The following RBFOX1 variants were observed in gnomAD, a reference collection of about 807,000 sequenced individuals.
RBFOX1 encodes the protein RNA binding fox-1 homolog 1, also known as RNA binding protein fox-1 homolog 1.
A neutral mutation model predicts 57.7 loss-of-function variants in RBFOX1; 8 were observed. That is an observed-to-expected ratio of 0.14 (90% CI 0.08 to 0.25). The LOEUF (loss-of-function observed/expected upper bound fraction) is 0.25. Among genes scored for constraint, RBFOX1 ranks in the 10% least tolerant of loss-of-function variants. The pLI, the probability that RBFOX1 is intolerant of heterozygous loss-of-function variation, is 1.00. For missense variants in RBFOX1, 611 were observed against 548.5 expected, an observed-to-expected ratio of 1.11 and a Z score of -1.14; for synonymous variants, 326 against 222.4, an observed-to-expected ratio of 1.47 and a Z score of -4.15.
chr16:7,142,783 C>T (rs8060707), intron 4 of RBFOX1, among the ~76,000 whole-genome samples: 1 of 152,292 alleles, frequency 6.6e-6, no homozygotes, highest in South Asian at 2.1e-4. Flanking sequence ...TTACACCGTT[C>T]TGAACACAGT....
chr16:6,128,808 A>T (rs950774924), intron 1 of RBFOX1, among the ~76,000 whole-genome samples: 4 of 152,156 alleles, frequency 2.6e-5, no homozygotes, highest in African/African-American at 7.2e-5. Flanking sequence ...GTGCTGGGGC[A>T]CTTGGGATCC....
At chr16:6,855,966 A>G (rs1187453137) in intron 3 of RBFOX1, among the ~76,000 whole-genome samples, 1 of 151,796 alleles carries the variant, frequency 6.6e-6, no homozygotes, top group Non-Finnish European at 1.5e-5. Flanking sequence ...ATTTGTACCC[A>G]AAGACTCCTG....
chr16:5,502,369 T>G (rs2043229275), intron 2 of RBFOX1, among the ~76,000 whole-genome samples: 1 of 151,122 alleles, frequency 6.6e-6, no homozygotes, highest in African/African-American at 2.4e-5. Flanking sequence ...ATGTGGACAC[T>G]GTAGGGGTGG....
intron 1 of RBFOX1, among the ~76,000 whole-genome samples, chr16:6,117,867 C>G (rs1300071743): frequency 6.6e-6 from 1 of 152,186 alleles, no homozygotes; most frequent in Non-Finnish European, 1.5e-5. Context: ...CCCTAATGAT[C>G]TAGTTTCCTT....
rs537520708 is a variant in RBFOX1, at chr16:6,324,090, G to A, written c.-64+7033G>A. On this transcript the variant is annotated intron_variant, in intron 2 of 15. Transcript: ENST00000550418. The stretch of plus-strand genomic sequence containing the variant: ...ACTCAGCCAACTCTGAGCTTTTAGC[G>A]TAACCATCACCTTAATAGTATTCAT... Among the ~76,000 whole-genome samples, 56 of 152,186 alleles carry A rather than the reference G, an allele frequency of 3.7e-4. 1 individual carries two copies. Among genetic ancestry groups the A allele is most frequent in the South Asian group, 1.7e-3 (8 of 4,820 alleles).
intron 4 of RBFOX1, among the ~76,000 whole-genome samples, chr16:7,068,503 A>G (rs2056635052): frequency 6.6e-6 from 1 of 152,102 alleles, no homozygotes; most frequent in Non-Finnish European, 1.5e-5. Context: ...TCATTGCTTC[A>G]CCATTTAAGT....
At position 7,709,472 on chromosome 16, in the gene RBFOX1, C is replaced by G. The variant is rs571710507; in HGVS notation, c.1071+341C>G. 5.5e-6 allele frequency: 8 copies of G among 1,448,848 alleles called. No individual in the cohort carries two copies. In the African/African-American group the frequency reaches 1.2e-4, roughly 21 times the overall value. 89.7% of individuals were successfully genotyped at this position (1,448,848 alleles called of 1,614,324 possible). A position where few individuals can be genotyped will look rare whatever the true frequency, so the allele number is the denominator to read the frequency against. On this transcript the variant is annotated intron_variant, in intron 15 of 15. Transcript: ENST00000550418. The stretch of plus-strand genomic sequence containing the variant: ...CTTTTTTTTTTCTTTTTTTTTCCCT[C>G]CCTTGCTGCTCATTCACATAGCCCC...
chr16:7,685,651 T>C (rs1314321601), intron 14 of RBFOX1, among the ~76,000 whole-genome samples: 1 of 152,134 alleles, frequency 6.6e-6, no homozygotes, highest in Non-Finnish European at 1.5e-5. Context: ...TTGGAATGTA[T>C]GCTAGTATTT....
At chr16:6,177,179 CTTGT>C (rs957952975) in intron 1 of RBFOX1, among the ~76,000 whole-genome samples, 5 of 145,168 alleles carry the variant, frequency 3.4e-5, no homozygotes, top group South Asian at 2.2e-4. Context: ...AATCTCATTT[CTTGT>C]TTGTTTTTTT....
At chr16:5,971,424 G>A (rs932271642) in intron 4 of RBFOX1, among the ~76,000 whole-genome samples, 1 of 152,184 alleles carries the variant, frequency 6.6e-6, no homozygotes, top group African/African-American at 2.4e-5. Context: ...GAGGTTTCAA[G>A]GATGAAAGGA....
chr16:7,176,998 T>C (rs2081802044), intron 4 of RBFOX1, among the ~76,000 whole-genome samples: 1 of 152,084 alleles, frequency 6.6e-6, no homozygotes, highest in Admixed American at 6.6e-5. Flanking sequence ...AAATAAAAAC[T>C]CACTACCCCA....
chr16:6,181,494 C>T (rs2097062320), intron 1 of RBFOX1, among the ~76,000 whole-genome samples: 1 of 152,194 alleles, frequency 6.6e-6, no homozygotes, highest in Non-Finnish European at 1.5e-5. Flanking sequence ...AGAGGAATGT[C>T]TGACTTCCTC....
intron 4 of RBFOX1, among the ~76,000 whole-genome samples, chr16:7,212,701 A>C (rs1381397234): frequency 6.6e-6 from 1 of 152,232 alleles, no homozygotes; most frequent in Non-Finnish European, 1.5e-5. Flanking sequence ...ACGCTACATG[A>C]GGACAAATAC....
intron 5 of RBFOX1, among the ~76,000 whole-genome samples, chr16:7,565,693 C>T (rs760825669): frequency 5.9e-5 from 9 of 152,166 alleles, no homozygotes; most frequent in South Asian, 2.1e-4. Context: ...AATAATGCCT[C>T]GAAGACACTC....
intron 1 of RBFOX1, among the ~76,000 whole-genome samples, chr16:6,162,583 C>G (rs1260893676): frequency 6.6e-6 from 1 of 152,172 alleles, no homozygotes; most frequent in Non-Finnish European, 1.5e-5. Flanking sequence ...GTGGTTCTTC[C>G]TTCACCCAAC....
intron 1 of RBFOX1, among the ~76,000 whole-genome samples, chr16:6,114,174 ACTT>A (rs745805183): frequency 2.7e-4 from 41 of 152,246 alleles, no homozygotes; most frequent in Non-Finnish European, 4.7e-4. Context: ...TTAGCAATGA[ACTT>A]CTTCTCTTGT....
At chr16:6,463,802 G>T (rs145669849) in intron 2 of RBFOX1, among the ~76,000 whole-genome samples, 3 of 152,030 alleles carry the variant, frequency 2.0e-5, no homozygotes, top group African/African-American at 7.3e-5. Context: ...ACTGAATCAC[G>T]TGCCCATCAC....
At chr16:6,500,912 C>T (rs1448353006) in intron 2 of RBFOX1, among the ~76,000 whole-genome samples, 1 of 19,702 alleles carries the variant, frequency 5.1e-5, no homozygotes, top group East Asian at 2.6e-3. Flanking sequence ...AATGCTGAGA[C>T]ATCCTCTGTC....
intron 4 of RBFOX1, among the ~76,000 whole-genome samples, chr16:7,350,749 G>A (rs528643792): frequency 3.2e-4 from 49 of 152,144 alleles, no homozygotes; most frequent in Admixed American, 1.1e-3. Flanking sequence ...AAGAGGGCCC[G>A]TTTCAGGGAT....
Sources: allele counts gnomAD v4.1 joint callset (sites outside exome capture counted in the v4.1 genomes callset), GRCh38; gene constraint gnomAD v4.1.1; transcripts MANE v1.5; gene names NCBI Gene and HGNC (gene_info 2026-07-23, HGNC 2026-07-21).